KNTC1: variants seen among roughly 807,000 people sequenced by gnomAD.
KNTC1 encodes the protein kinetochore associated 1, also known as kinetochore-associated protein 1.
A neutral mutation model predicts 314.4 loss-of-function variants in KNTC1; 253 were observed. That is an observed-to-expected ratio of 0.80 (90% CI 0.73 to 0.89). The LOEUF is 0.89. KNTC1 is among the 40% of genes least tolerant of loss of function. KNTC1 has a pLI of 0.00. For missense variants in KNTC1, 2,475 were observed against 2,572.9 expected (o/e 0.96, Z 0.82); for synonymous variants, 901 against 901.4 (o/e 1.00, Z 0.01).
In KNTC1 at chr12:122,604,634, G is replaced by T; in HGVS notation, c.5172G>T (p.Ser1724=). The T allele has an allele frequency of 1.9e-6, 3 of 1,590,470 alleles. No individual in the cohort carries two copies. The highest frequency in any genetic ancestry group is 2.6e-6 in the Non-Finnish European group (3 of 1,159,328). The stretch of plus-strand genomic sequence containing the variant: ...AGAGATGGCTACAGAATATCCCATC[G>T]CAGGTGTGTCTGAACTATCAGATTG... ...LAERWLQNIP[S]QDEKREKAEA... The change falls in exon 49 of 64, where the codon TCG becomes TCT. Residue 1724 remains serine (S), a synonymous_variant. Coordinates refer to ENST00000333479, the MANE Select transcript of KNTC1 (RefSeq NM_014708.6).
Position 122,530,021 on chromosome 12 carries a change from G to A in KNTC1, c.-43G>A. 1 of 1,604,356 alleles carries A rather than the reference G, an allele frequency of 6.2e-7. No homozygotes were observed. The highest frequency in any genetic ancestry group is 8.5e-7 in the Non-Finnish European group (1 of 1,174,744). On this transcript the variant is annotated 5_prime_UTR_variant, in exon 2 of 64. Coordinates refer to ENST00000333479, the MANE Select transcript of KNTC1 (RefSeq NM_014708.6). Reference sequence around the variant, plus strand: ...ATGGTGTCTAATTTTATGTTGTTCAGGAAAGACAGTGGTTCCTGACTCAGG... The same window carrying A: ...ATGGTGTCTAATTTTATGTTGTTCAAGAAAGACAGTGGTTCCTGACTCAGG...
intron 16 of KNTC1, among the ~76,000 whole-genome samples, chr12:122,556,180 C>G (rs960252948): frequency 5.9e-5 from 9 of 152,048 alleles, no homozygotes; most frequent in Admixed American, 3.9e-4. Context: ...CCACGCCTGG[C>G]TAATTTTTTG....
At chr12:122,537,300 C>A (rs1048692311) in intron 3 of KNTC1, among the ~76,000 whole-genome samples, 3 of 152,176 alleles carry the variant, frequency 2.0e-5, no homozygotes, top group African/African-American at 7.2e-5. Flanking sequence ...TTCTAATTAA[C>A]ACTGCAAAAT....
chr12:122,610,129 G>GCTGTCCTAATCACCCATACCATGCC, intron 52 of KNTC1, among the ~76,000 whole-genome samples: 1 of 152,180 alleles, frequency 6.6e-6, no homozygotes, highest in Admixed American at 6.5e-5. Flanking sequence ...AACAAGCAAA[G>GCTGTCCTAATCACCCATACCATGCC]CTGTCCTAAT....
rs780697067 is a variant in KNTC1 at position 122,605,296 on chromosome 12, A to C, written c.5387-10A>C. ...TTGAGTTTTTCTTTTCTTTATTTTG[A>C]ATATCTTAGATATTCATGCAGCAGC... On this transcript the variant is annotated splice_polypyrimidine_tract_variant and intron_variant, in intron 50 of 63. Transcript: ENST00000333479. The C allele has an allele frequency of 6.6e-7, 1 of 1,519,696 alleles. No homozygotes were observed. Among genetic ancestry groups the C allele is most frequent in the South Asian group, 1.2e-5 (1 of 82,292 alleles). The allele number at this position is 1,519,696 out of a possible 1,614,324, so 94.1% of individuals were successfully genotyped here.
intron 20 of KNTC1, among the ~76,000 whole-genome samples, chr12:122,567,610 G>C (rs1006135722): frequency 8.5e-5 from 13 of 152,064 alleles, no homozygotes; most frequent in African/African-American, 2.9e-4. Context: ...AGGCTGAAGT[G>C]GGTGGATCAG....
Position 122,549,736 on chromosome 12 carries a change from CTAAAT to C in KNTC1, c.988-26_988-22del, listed in dbSNP as rs748050645. On this transcript the variant is annotated intron_variant, in intron 12 of 63. Transcript: ENST00000333479. ...GTACTTGCATGTTTAAATTGATCTG[CTAAAT>C]TAATTGCTCTGCTATTTTTCTTAGA... 34 of 1,091,452 alleles carry C rather than the reference CTAAAT, an allele frequency of 3.1e-5. No individual in the cohort carries two copies. The East Asian group carries it at 4.1e-4, about 13-fold the overall frequency. 67.6% of individuals were successfully genotyped at this position (1,091,452 alleles called of 1,614,324 possible). A position where few individuals can be genotyped will look rare whatever the true frequency, so the allele number is the denominator to read the frequency against.
chr12:122,585,102 A>G (rs1293809140), intron 36 of KNTC1, 112 bp downstream of exon 36: 2 of 652,256 alleles, frequency 3.1e-6, no homozygotes, highest in Admixed American at 2.7e-5. Context: ...CAGTGGCATG[A>G]TCAAGGCTTA....
intron 3 of KNTC1, among the ~76,000 whole-genome samples, chr12:122,536,215 T>G (rs566526475): frequency 9.9e-5 from 15 of 151,766 alleles, no homozygotes; most frequent in African/African-American, 3.4e-4. Context: ...GAAAGTTTTT[T>G]CTTTCTTGAG....
intron 2 of KNTC1, 71 bp downstream of exon 2, chr12:122,530,263 C>T: frequency 3.7e-6 from 5 of 1,349,688 alleles, no homozygotes; most frequent in South Asian, 1.4e-5. Context: ...TAGTGGCCCA[C>T]AGTAAATATT....
At chr12:122,581,534 G>T (rs1485615036) in intron 33 of KNTC1, among the ~76,000 whole-genome samples, 1 of 150,832 alleles carries the variant, frequency 6.6e-6, no homozygotes, top group African/African-American at 2.4e-5. Context: ...TCACTCTGTT[G>T]CCCAGGCTGG....
intron 42 of KNTC1, chr12:122,593,229 G>T: frequency 5.8e-6 from 1 of 172,334 alleles, no homozygotes; most frequent in Non-Finnish European, 1.2e-5. Flanking sequence ...CACTAGCAGA[G>T]GGGACGTAAA....
chr12:122,561,021 T>C (rs553349252), intron 18 of KNTC1, among the ~76,000 whole-genome samples: 2 of 152,290 alleles, frequency 1.3e-5, no homozygotes, highest in African/African-American at 2.4e-5. Context: ...TTTTAAAAAA[T>C]GGATTCTTGG....
At chr12:122,613,062 A>G in intron 53 of KNTC1, 50 bp from the exon 54 acceptor site, 2 of 933,546 alleles carry the variant, frequency 2.1e-6, no homozygotes, top group South Asian at 2.8e-5. Flanking sequence ...TCATTTACCC[A>G]ACTACAATGT....
intron 3 of KNTC1, among the ~76,000 whole-genome samples, chr12:122,535,063 T>C (rs79358904): frequency 0.011 from 1,609 of 152,306 alleles, 28 homozygotes; most frequent in African/African-American, 0.037. Context: ...ATGGAAAACA[T>C]GAGCTCATTT....
Position 122,549,958 on chromosome 12 carries a change from T to G in KNTC1, c.1086+94T>G, listed in dbSNP as rs116662127. The G allele has an allele frequency of 7.2e-3, 4,899 of 676,688 alleles. 122 individuals are homozygous for G. The highest frequency in any genetic ancestry group is 0.06 in the African/African-American group (3,288 of 54,746). The allele number at this position is 676,688 out of a possible 1,614,324, so 41.9% of individuals were successfully genotyped here. A position where few individuals can be genotyped will look rare whatever the true frequency, so the allele number is the denominator to read the frequency against. On this transcript the variant is annotated intron_variant, in intron 13 of 63. Coordinates refer to ENST00000333479, the MANE Select transcript of KNTC1 (RefSeq NM_014708.6). ...TGATTAAAAGCCTTAATAATTAAGC[T>G]AAGCATTAGTGGAACCTAGTGGAAA...
intron 35 of KNTC1, 106 bp downstream of exon 35, chr12:122,584,556 A>G (rs940037281): frequency 8.0e-6 from 6 of 748,910 alleles, no homozygotes; most frequent in Non-Finnish European, 1.1e-5. Context: ...ATCAGACTAG[A>G]GATAGTATCT....
rs1301232683 is a variant in KNTC1 at position 122,604,897 on chromosome 12, C to T, written c.5196C>T (p.Ala1732=). 6 of 1,605,456 alleles carry T rather than the reference C, an allele frequency of 3.7e-6. No individual in the cohort carries two copies. The highest frequency in any genetic ancestry group is 2.7e-5 in the African/African-American group (2 of 74,772). The change falls in exon 50 of 64, where the codon GCC becomes GCT. Residue 1732 remains alanine (A), a synonymous_variant. Coordinates refer to ENST00000333479, the MANE Select transcript of KNTC1 (RefSeq NM_014708.6). The part of the protein sequence containing the change: ...IPSQDEKREK[A]EALLKKLHIQ... The stretch of plus-strand genomic sequence containing the variant: ...AAAAGGACGAAAAACGTGAAAAAGC[C>T]GAGGCTTTGTTGAAGAAGCTTCATA...
At chr12:122,540,899 G>T (rs1219819947) in intron 5 of KNTC1, among the ~76,000 whole-genome samples, 1 of 152,170 alleles carries the variant, frequency 6.6e-6, no homozygotes, top group Non-Finnish European at 1.5e-5. Context: ...GGCTGTGTGT[G>T]GTGGCTCACA....
Sources: gnomAD v4.1 joint callset for allele counts (sites outside exome capture counted in the v4.1 genomes callset) on GRCh38, gnomAD v4.1.1 for gene constraint, MANE v1.5 for transcripts, NCBI Gene and HGNC (gene_info 2026-07-23, HGNC 2026-07-21) for gene names.